PPP2R5C: variants seen among roughly 807,000 people sequenced by gnomAD.
PPP2R5C encodes the protein serine/threonine-protein phosphatase 2A 56 kDa regulatory subunit gamma isoform.
A neutral mutation model predicts 68.9 loss-of-function variants in PPP2R5C; 7 were observed. That is an observed-to-expected ratio of 0.10 (90% CI 0.06 to 0.19). The LOEUF (loss-of-function observed/expected upper bound fraction) is 0.19. Ranked by LOEUF, PPP2R5C falls within the 10% of genes least tolerant of loss-of-function variation. The pLI is 1.00. For synonymous variants in PPP2R5C, 210 were observed against 222.2 expected (o/e 0.95, Z 0.49); for missense variants, 348 against 641.3 (o/e 0.54, Z 4.94).
At chr14:101,796,246 T>C (rs1429594026) in intron 3 of PPP2R5C, among the ~76,000 whole-genome samples, 1 of 152,240 alleles carries the variant, frequency 6.6e-6, no homozygotes, top group Non-Finnish European at 1.5e-5. Flanking sequence ...ATAATAAAAA[T>C]GGACTGTGCG....
intron 1 of PPP2R5C, chr14:101,836,460 G>A (rs937675065): frequency 2.1e-5 from 14 of 668,658 alleles, no homozygotes; most frequent in South Asian, 2.0e-4. Flanking sequence ...TTGTAAATGA[G>A]TCATTCTGTT....
intron 1 of PPP2R5C, among the ~76,000 whole-genome samples, chr14:101,816,849 GAAAT>G (rs1003964401): frequency 5.1e-5 from 7 of 136,410 alleles, no homozygotes; most frequent in African/African-American, 1.1e-4. Context: ...ATGTTTGAGA[GAAAT>G]AAATATATAT....
chr14:101,914,217 C>T (rs1410797811), intron 12 of PPP2R5C: 1 of 456,054 alleles, frequency 2.2e-6, no homozygotes, highest in Admixed American at 2.3e-5. Flanking sequence ...AACTGTGATG[C>T]TGGGAGCTTA....
intron 9 of PPP2R5C, among the ~76,000 whole-genome samples, chr14:101,902,133 A>C (rs2045722329): frequency 6.6e-6 from 1 of 152,184 alleles, no homozygotes; most frequent in Non-Finnish European, 1.5e-5. Flanking sequence ...TTCTCTGTAA[A>C]GCTGTCTTTA....
chr14:101,859,492 A>T (rs1401796153), intron 2 of PPP2R5C, among the ~76,000 whole-genome samples: 1 of 152,266 alleles, frequency 6.6e-6, no homozygotes. Flanking sequence ...AGAAGGCAAC[A>T]TAGCCTTTCC....
rs1000164315 is a variant in PPP2R5C at position 101,781,648 on chromosome 14, G to T, written c.94-4370G>T. On this transcript the variant is annotated intron_variant, in intron 2 of 14. Coordinates refer to the PPP2R5C transcript ENST00000328724. The surrounding 1 kb of genome is among the most constrained non-coding windows in gnomAD (Gnocchi z 6.4). ...GCCGCCTCCGGAGCCTCCGGCATGG[G>T]CCCCAGGCCGGGGTCCCGCCTTTGC... 4.6e-5 allele frequency among the ~76,000 whole-genome samples: 7 copies of T among 152,120 alleles called. No individual in the cohort carries two copies. Among genetic ancestry groups the T allele is most frequent in the Admixed American group, 6.5e-5 (1 of 15,286 alleles).
intron 2 of PPP2R5C, among the ~76,000 whole-genome samples, chr14:101,870,022 GC>G (rs2043294512): frequency 7.9e-6 from 1 of 126,346 alleles, no homozygotes; most frequent in Non-Finnish European, 1.7e-5. Context: ...CCAATTGTTT[GC>G]CTGTTTTTCA....
At chr14:101,925,149 A>G (rs748837311) in exon 14 of PPP2R5C, 3 of 1,614,030 alleles carry the variant, frequency 1.9e-6, no homozygotes, top group Non-Finnish European at 2.5e-6. Context: ...AGGCACAGAA[A>G]GATCCGAAGA....
intron 5 of PPP2R5C, among the ~76,000 whole-genome samples, chr14:101,884,564 T>C (rs989932273): frequency 6.6e-6 from 1 of 152,222 alleles, no homozygotes; most frequent in African/African-American, 2.4e-5. Context: ...ACTCCCACTG[T>C]GCACCAGGGG....
At chr14:101,786,889 C>T (rs566555227) in intron 3 of PPP2R5C, among the ~76,000 whole-genome samples, 1 of 152,204 alleles carries the variant, frequency 6.6e-6, no homozygotes, top group Admixed American at 6.5e-5. Context: ...GACAGATATA[C>T]TAAATAAAAT....
At chr14:101,803,177 C>G (rs1341612604) in intron 3 of PPP2R5C, 1 of 152,118 alleles carries the variant, frequency 6.6e-6, no homozygotes, top group Admixed American at 6.6e-5. Context: ...CCACTACACT[C>G]CAGCCTGGGT....
intron 1 of PPP2R5C, among the ~76,000 whole-genome samples, chr14:101,844,549 G>A (rs2041706830): frequency 6.6e-6 from 1 of 152,160 alleles, no homozygotes; most frequent in Admixed American, 6.5e-5. Context: ...TCCCCGGGCT[G>A]GACGTCATTT....
At chr14:101,870,922 C>G (rs7161302) in intron 2 of PPP2R5C, among the ~76,000 whole-genome samples, 10,727 of 152,030 alleles carry the variant, frequency 0.071, 481 homozygotes, top group East Asian at 0.15. Context: ...TGTTTATTGT[C>G]TTGTTGTAAT....
At chr14:101,785,117 A>T (rs965771654) in intron 2 of PPP2R5C, among the ~76,000 whole-genome samples, 1 of 152,182 alleles carries the variant, frequency 6.6e-6, no homozygotes, top group Non-Finnish European at 1.5e-5. Context: ...GCACACCAGG[A>T]GCCTAGGACA....
Position 101,877,007 on chromosome 14 carries a change from G to A in PPP2R5C, c.295-5154G>A, listed in dbSNP as rs1187816524. ...TCTATTGCCCAGGCTGGAGTGCAGT[G>A]GTGCAATCTCGGTTCACTGCAACTT... On this transcript the variant is annotated intron_variant, in intron 2 of 13. Transcript: ENST00000334743. This position sits in a 1 kb window ranked among gnomAD's most constrained non-coding sequence, Gnocchi z 4.2. Among the ~76,000 whole-genome samples, 1 of 139,130 alleles carries A rather than the reference G, an allele frequency of 7.2e-6. No homozygotes were observed. The highest frequency in any genetic ancestry group is 2.1e-4 in the East Asian group (1 of 4,874). 91.3% of individuals were successfully genotyped at this position (139,130 alleles called of 152,430 possible).
At chr14:101,852,402 C>T (rs528000232) in intron 1 of PPP2R5C, among the ~76,000 whole-genome samples, 1 of 151,946 alleles carries the variant, frequency 6.6e-6, no homozygotes, top group South Asian at 2.1e-4. Context: ...AACAGGCTTC[C>T]CTTTAGTAAA....
chr14:101,883,832 T>G (rs2044308257), intron 5 of PPP2R5C, among the ~76,000 whole-genome samples: 1 of 152,226 alleles, frequency 6.6e-6, no homozygotes, highest in South Asian at 2.1e-4. Flanking sequence ...CCATTGTTCC[T>G]GTTTCTACTG....
chr14:101,794,366 C>T (rs973509775), intron 3 of PPP2R5C, among the ~76,000 whole-genome samples: 1 of 152,170 alleles, frequency 6.6e-6, no homozygotes, highest in Non-Finnish European at 1.5e-5. Flanking sequence ...TGAATTGACC[C>T]ATAGTCATTG....
chr14:101,891,114 T>C lies in PPP2R5C; in HGVS notation c.689+818T>C, dbSNP rs963451954. ...AACCCGTAGATTTTATATTAGACCT[T>C]CTAACCCACTGTTTCCCAGAGTTCC... On this transcript the variant is annotated intron_variant, in intron 6 of 13. Transcript: ENST00000334743. The surrounding 1 kb of genome is among the most constrained non-coding windows in gnomAD (Gnocchi z 4.9). Among the ~76,000 whole-genome samples, 1 of 152,150 alleles carries C rather than the reference T, an allele frequency of 6.6e-6. No individual in the cohort carries two copies. The highest frequency in any genetic ancestry group is 2.4e-5 in the African/African-American group (1 of 41,428).
Sources: gnomAD v4.1 joint callset for allele counts (sites outside exome capture counted in the v4.1 genomes callset) on GRCh38, gnomAD v4.1.1 for gene constraint, Gnocchi (gnomAD v3.1) non-coding constraint, MANE v1.5 for transcripts, NCBI Gene and HGNC (gene_info 2026-07-23, HGNC 2026-07-21) for gene names.